AGAP1: variants seen among roughly 807,000 people sequenced by gnomAD.
AGAP1 encodes arf-GAP with GTPase, ANK repeat and PH domain-containing protein 1.
A neutral mutation model predicts 105.3 loss-of-function variants in AGAP1; 29 were observed. That is an observed-to-expected ratio of 0.28 (90% CI 0.21 to 0.38). The LOEUF (loss-of-function observed/expected upper bound fraction) is 0.38, where lower values mean the gene tolerates loss of function less well. AGAP1 is among the 10% of genes least tolerant of loss of function. The pLI, the probability that AGAP1 is intolerant of heterozygous loss-of-function variation, is 1.00. For missense variants in AGAP1, 998 were observed against 1,165.1 expected (o/e 0.86, Z 2.09); for synonymous variants, 509 against 485.9 (o/e 1.05, Z -0.63).
rs1027387500 is a variant in AGAP1 at position 235,556,639 on chromosome 2, A to G, written c.163+61790A>G. Among the ~76,000 whole-genome samples the G allele has an allele frequency of 2.6e-5, 4 of 152,250 alleles. No homozygotes were observed. The highest frequency in any genetic ancestry group is 7.2e-5 in the African/African-American group (3 of 41,474). Reference sequence around the variant, plus strand: ...AATACTCTGGTTCCCTCTCTCCCCTATGTGCAAGTAAATAACATGCTACTA... The same window carrying G: ...AATACTCTGGTTCCCTCTCTCCCCTGTGTGCAAGTAAATAACATGCTACTA... On this transcript the variant is annotated intron_variant, in intron 1 of 17. Transcript: ENST00000304032. This position sits in a 1 kb window ranked among gnomAD's most constrained non-coding sequence, Gnocchi z 5.3.
At chr2:235,597,945 C>T (rs1945588474) in intron 1 of AGAP1, among the ~76,000 whole-genome samples, 1 of 132,066 alleles carries the variant, frequency 7.6e-6, no homozygotes, top group African/African-American at 3.0e-5. Context: ...AGCGTGCACG[C>T]GCTCCCGTTT....
At chr2:235,675,760 A>T (rs1948704171) in intron 1 of AGAP1, among the ~76,000 whole-genome samples, 1 of 152,154 alleles carries the variant, frequency 6.6e-6, no homozygotes, top group South Asian at 2.1e-4. Context: ...GGAACCTTCT[A>T]AGTCACCGCT....
chr2:235,940,612 C>T (rs954853572), intron 12 of AGAP1, among the ~76,000 whole-genome samples: 1 of 152,202 alleles, frequency 6.6e-6, no homozygotes, highest in African/African-American at 2.4e-5. Flanking sequence ...TTGCGGTTAC[C>T]CAGACTTCTT....
chr2:235,564,393 G>A (rs571966077), intron 1 of AGAP1, among the ~76,000 whole-genome samples: 11 of 152,288 alleles, frequency 7.2e-5, no homozygotes, highest in East Asian at 3.9e-4. Flanking sequence ...AGGTGCCTTC[G>A]GTGGGGGAAG....
rs1309011268 is a variant in AGAP1, at chr2:236,129,625, T to C, written c.*5503T>C. 3 of 152,148 alleles carry C rather than the reference T, an allele frequency of 2.0e-5. No individual in the cohort carries two copies. The highest frequency in any genetic ancestry group is 4.4e-5 in the Non-Finnish European group (3 of 68,032). 9.4% of individuals were successfully genotyped at this position (152,148 alleles called of 1,614,324 possible). On this transcript the variant is annotated 3_prime_UTR_variant, in exon 18 of 18. Transcript: ENST00000304032. This position sits in a 1 kb window ranked among gnomAD's most constrained non-coding sequence, Gnocchi z 6.2. ...CTCCATGAAGAAAGAAATATTTACT[T>C]AGATATTACTGTTTCAAAACACAAA...
At position 235,957,776 on chromosome 2, in the gene AGAP1, G is replaced by A. The variant is rs533469565; in HGVS notation, c.1484-10686G>A. Among the ~76,000 whole-genome samples, 91 of 152,308 alleles carry A rather than the reference G, an allele frequency of 6.0e-4. No homozygotes were observed. Among genetic ancestry groups the A allele is most frequent in the African/African-American group, 2.1e-3 (86 of 41,564 alleles). On this transcript the variant is annotated intron_variant, in intron 12 of 17. Coordinates refer to ENST00000304032, the MANE Select transcript of AGAP1 (RefSeq NM_001037131.3). The surrounding 1 kb of genome is among the most constrained non-coding windows in gnomAD (Gnocchi z 4.6). ...CCAAATTAGCTTTATATCGTTGGCC[G>A]TGTATCAAAGGAAGTGCGTTTTAAT...
chr2:235,941,529 G>T (rs1313971551), intron 12 of AGAP1, among the ~76,000 whole-genome samples: 1 of 152,154 alleles, frequency 6.6e-6, no homozygotes, highest in African/African-American at 2.4e-5. Flanking sequence ...GTAAAATGAG[G>T]GTGAGCAGGT....
intron 13 of AGAP1, among the ~76,000 whole-genome samples, chr2:236,023,489 G>T (rs1312346123): frequency 6.6e-6 from 1 of 152,188 alleles, no homozygotes; most frequent in African/African-American, 2.4e-5. Flanking sequence ...AAAAGAAAAA[G>T]GGCTTGGCGG....
In AGAP1 at chr2:235,877,120, C is replaced by T. The variant is rs2049785023; in HGVS notation, c.1051-6225C>T. Among the ~76,000 whole-genome samples the T allele has an allele frequency of 6.6e-6, 1 of 152,084 alleles. No homozygotes were observed. Among genetic ancestry groups the T allele is most frequent in the Non-Finnish European group, 1.5e-5 (1 of 68,036 alleles). ...TCGGCCTCCCAAAGTGCTGGAATTA[C>T]AGGCATGAGCCACCACGCCCTGCCA... On this transcript the variant is annotated intron_variant, in intron 9 of 17. Transcript: ENST00000304032. The surrounding 1 kb of genome is among the most constrained non-coding windows in gnomAD (Gnocchi z 4.3).
chr2:236,001,811 G>A lies in AGAP1; in HGVS notation c.1645+33188G>A, dbSNP rs571204189. On this transcript the variant is annotated intron_variant, in intron 13 of 17. Coordinates refer to ENST00000304032, the MANE Select transcript of AGAP1 (RefSeq NM_001037131.3). This position sits in a 1 kb window ranked among gnomAD's most constrained non-coding sequence, Gnocchi z 4.7. ...TGTTTGAAAGGCCACAGGGCACTGC[G>A]TGGAATGCGTGGTCTCTAATAGGTT... 1.6e-4 allele frequency among the ~76,000 whole-genome samples: 25 copies of A among 152,302 alleles called. No homozygotes were observed. The highest frequency in any genetic ancestry group is 5.1e-4 in the African/African-American group (21 of 41,570).
In AGAP1 at chr2:236,092,170, T is replaced by G. The variant is rs1050290814; in HGVS notation, c.2115-28022T>G. ...GGCAACAAGAGAGACCCTTGACTGGTGCTAGATACAGGAACGTACATGTGA... is the reference window on the plus strand; with the variant it reads ...GGCAACAAGAGAGACCCTTGACTGGGGCTAGATACAGGAACGTACATGTGA... On this transcript the variant is annotated intron_variant, in intron 16 of 17. Coordinates refer to ENST00000304032, the MANE Select transcript of AGAP1 (RefSeq NM_001037131.3). The surrounding 1 kb of genome is among the most constrained non-coding windows in gnomAD (Gnocchi z 4.7). 6.6e-6 allele frequency among the ~76,000 whole-genome samples: 1 copy of G among 152,140 alleles called. No homozygotes were observed. The highest frequency in any genetic ancestry group is 1.5e-5 in the Non-Finnish European group (1 of 68,026).
At chr2:235,925,718 G>A (rs934387503) in intron 11 of AGAP1, among the ~76,000 whole-genome samples, 2 of 152,174 alleles carry the variant, frequency 1.3e-5, no homozygotes, top group African/African-American at 4.8e-5. Context: ...GTGGGTTTAG[G>A]TCCCCTGCCC....
At chr2:236,024,981 A>C (rs1466580001) in intron 13 of AGAP1, among the ~76,000 whole-genome samples, 1 of 152,238 alleles carries the variant, frequency 6.6e-6, no homozygotes. Flanking sequence ...TCACACTGGG[A>C]AACAGTACAC....
intron 1 of AGAP1, among the ~76,000 whole-genome samples, chr2:235,508,788 C>T (rs1252744252): frequency 6.6e-6 from 1 of 152,210 alleles, no homozygotes; most frequent in Non-Finnish European, 1.5e-5. Flanking sequence ...GGGCAGTTAA[C>T]TTTTTATACA....
At chr2:236,059,176 T>A (rs1292085041) in intron 16 of AGAP1, among the ~76,000 whole-genome samples, 2 of 150,818 alleles carry the variant, frequency 1.3e-5, no homozygotes, top group Non-Finnish European at 2.9e-5. Flanking sequence ...AAAAAAAAAA[T>A]TCTATTGTAT....
Position 235,801,627 on chromosome 2 carries a change from A to G in AGAP1, c.957+2105A>G, listed in dbSNP as rs1957499179. ...GCTTTGGGTTGAAGTGTTTCCTGCTAGAACAGGCTGCACAGTGACTCGGTG... is the reference window on the plus strand; with the variant it reads ...GCTTTGGGTTGAAGTGTTTCCTGCTGGAACAGGCTGCACAGTGACTCGGTG... On this transcript the variant is annotated intron_variant, in intron 8 of 17. Transcript: ENST00000304032. The surrounding 1 kb of genome is among the most constrained non-coding windows in gnomAD (Gnocchi z 6.0). Among the ~76,000 whole-genome samples, 1 of 152,086 alleles carries G rather than the reference A, an allele frequency of 6.6e-6. No individual in the cohort carries two copies. The highest frequency in any genetic ancestry group is 2.4e-5 in the African/African-American group (1 of 41,408).
intron 12 of AGAP1, among the ~76,000 whole-genome samples, chr2:235,955,932 G>A (rs538547168): frequency 6.6e-6 from 1 of 152,206 alleles, no homozygotes; most frequent in African/African-American, 2.4e-5. Context: ...ACACTTTCCT[G>A]TGCAGCAGTG....
chr2:235,840,166 G>T (rs993513777), intron 9 of AGAP1, among the ~76,000 whole-genome samples: 33 of 152,202 alleles, frequency 2.2e-4, no homozygotes, highest in African/African-American at 8.0e-4. Flanking sequence ...CCCTCCAGAG[G>T]TGACACCTGT....
chr2:235,876,561 C>T (rs1022060448), intron 9 of AGAP1, among the ~76,000 whole-genome samples: 3 of 152,186 alleles, frequency 2.0e-5, no homozygotes, highest in African/African-American at 7.2e-5. Flanking sequence ...ACCAGCCCCC[C>T]AGTGCTGTGT....
Sources: allele counts gnomAD v4.1 joint callset (sites outside exome capture counted in the v4.1 genomes callset), GRCh38; gene constraint gnomAD v4.1.1; non-coding constraint Gnocchi (gnomAD v3.1); transcripts MANE v1.5; gene names NCBI Gene and HGNC (gene_info 2026-07-23, HGNC 2026-07-21).